GABRB3: variants seen among roughly 807,000 people sequenced by gnomAD.
The protein encoded by GABRB3 is gamma-aminobutyric acid type A receptor subunit beta3.
GABRB3 carries 14 observed loss-of-function variants against 52.1 expected under a neutral mutation model. The ratio of observed to expected loss-of-function variants is 0.27; its 90% CI spans 0.18 to 0.42. The LOEUF (loss-of-function observed/expected upper bound fraction) is 0.42. Ranked by LOEUF, GABRB3 falls within the 10% of genes least tolerant of loss-of-function variation. The pLI, the probability that GABRB3 is intolerant of heterozygous loss-of-function variation, is 1.00. For missense variants in GABRB3, 307 were observed against 609.1 expected, an observed-to-expected ratio of 0.50 and a Z score of 5.22; for synonymous variants, 260 against 232.3, an observed-to-expected ratio of 1.12 and a Z score of -1.08.
At position 26,567,990 on chromosome 15, in the gene GABRB3, C is replaced by T. The variant is rs7167688; in HGVS notation, c.683-257G>A. Among the ~76,000 whole-genome samples, 74,817 of 152,124 alleles carry T rather than the reference C, an allele frequency of 0.49. 18,744 individuals carry two copies. Among genetic ancestry groups the T allele is most frequent in the African/African-American group, 0.56 (23,115 of 41,502 alleles). The stretch of plus-strand genomic sequence containing the variant: ...ACGCTCGGTTGAGAACTTGGAAAAA[C>T]GTATTAGTTTTTAGCTTAGAATCCA... On this transcript the variant is annotated intron_variant, in intron 6 of 8. Coordinates refer to ENST00000311550, the MANE Select transcript of GABRB3 (RefSeq NM_000814.6).
In GABRB3 at chr15:26,637,581, G is replaced by A. The variant is rs183391467; in HGVS notation, c.241-16047C>T. Among the ~76,000 whole-genome samples, 5 of 152,252 alleles carry A rather than the reference G, an allele frequency of 3.3e-5. No individual in the cohort carries two copies. In the East Asian group the frequency reaches 9.7e-4, roughly 29 times the overall value. On this transcript the variant is annotated intron_variant, in intron 3 of 8. Transcript: ENST00000311550. The stretch of plus-strand genomic sequence containing the variant: ...AGTTCTGTATAACCTGGTTGTTGGT[G>A]TGTCCCTTCAGAAAAGATCTGTATG...
chr15:26,737,413 C>A (rs1366838211), intron 3 of GABRB3, among the ~76,000 whole-genome samples: 1 of 152,174 alleles, frequency 6.6e-6, no homozygotes, highest in Non-Finnish European at 1.5e-5. Context: ...ATGAATGTTG[C>A]AGGACAATGG....
intron 8 of GABRB3, chr15:26,553,548 T>C (rs908442911): frequency 1.1e-4 from 16 of 152,192 alleles, no homozygotes; most frequent in African/African-American, 3.6e-4. Context: ...CAGAAAGCAT[T>C]ATTTAGCTTT....
chr15:26,594,309 T>A (rs952362038), intron 4 of GABRB3, among the ~76,000 whole-genome samples: 7 of 152,160 alleles, frequency 4.6e-5, no homozygotes, highest in African/African-American at 1.7e-4. Flanking sequence ...CATTTCATCA[T>A]TATAATGCGG....
intron 3 of GABRB3, among the ~76,000 whole-genome samples, chr15:26,722,872 A>G (rs1951343789): frequency 6.6e-6 from 1 of 152,156 alleles, no homozygotes; most frequent in African/African-American, 2.4e-5. Flanking sequence ...GCCTCTGCTC[A>G]GCTGCAACTG....
chr15:26,773,234 C>A (rs1285649775), upstream of GABRB3, among the ~76,000 whole-genome samples: 2 of 149,948 alleles, frequency 1.3e-5, no homozygotes, highest in African/African-American at 4.9e-5. Flanking sequence ...CTCCCCCACG[C>A]TCGCCTCGGC....
chr15:26,690,827 C>A lies in GABRB3; in HGVS notation c.241-69293G>T, dbSNP rs1229597470. On this transcript the variant is annotated intron_variant, in intron 3 of 8. Transcript: ENST00000311550. ...GACAGGTTTTGCATAATTCCTTGCA[C>A]CAGAGATCAAAATTCTTGCTCTGTT... 3.3e-5 allele frequency among the ~76,000 whole-genome samples: 5 copies of A among 150,716 alleles called. 1 individual carries two copies. The highest frequency in any genetic ancestry group is 7.3e-5 in the African/African-American group (3 of 41,186).
At position 26,654,685 on chromosome 15, in the gene GABRB3, C is replaced by G. The variant is rs141100998; in HGVS notation, c.241-33151G>C. ...CTGACTTAAGAGAAGCATGTGAGAC[C>G]AGGAATTCAAGGCTGCAGTGACCTG... On this transcript the variant is annotated intron_variant, in intron 3 of 8. Coordinates refer to ENST00000311550, the MANE Select transcript of GABRB3 (RefSeq NM_000814.6). Among the ~76,000 whole-genome samples, 18 of 152,118 alleles carry G rather than the reference C, an allele frequency of 1.2e-4. No homozygotes were observed. In the South Asian group the frequency reaches 1.2e-3, roughly 10 times the overall value.
intron 6 of GABRB3, among the ~76,000 whole-genome samples, chr15:26,569,773 C>T (rs1890324729): frequency 6.6e-6 from 1 of 152,164 alleles, no homozygotes; most frequent in South Asian, 2.1e-4. Context: ...GCCTAGCACA[C>T]CTTGCAAATA....
At chr15:26,701,678 A>T (rs1888941198) in intron 3 of GABRB3, among the ~76,000 whole-genome samples, 2 of 152,246 alleles carry the variant, frequency 1.3e-5, no homozygotes, top group South Asian at 4.1e-4. Context: ...CTGTGTATTC[A>T]AATCAATTTT....
At chr15:26,763,612 A>ACACACACACACACG (rs1890882513) in intron 3 of GABRB3, among the ~76,000 whole-genome samples, 1 of 149,556 alleles carries the variant, frequency 6.7e-6, no homozygotes. Context: ...ATAGATACAC[A>ACACACACACACACG]CACACACACA....
At chr15:26,691,642 G>T (rs1300570488) in intron 3 of GABRB3, among the ~76,000 whole-genome samples, 1 of 152,166 alleles carries the variant, frequency 6.6e-6, no homozygotes, top group African/African-American at 2.4e-5. Flanking sequence ...CATGAAAAAG[G>T]AATTACAAGA....
chr15:26,688,582 C>G (rs1325901501), intron 3 of GABRB3, among the ~76,000 whole-genome samples: 2 of 152,114 alleles, frequency 1.3e-5, no homozygotes, highest in Non-Finnish European at 2.9e-5. Flanking sequence ...GGTGTGTCAC[C>G]GATGCTATTT....
intron 3 of GABRB3, among the ~76,000 whole-genome samples, chr15:26,735,421 C>A (rs1890039328): frequency 6.6e-6 from 1 of 152,106 alleles, no homozygotes; most frequent in African/African-American, 2.4e-5. Flanking sequence ...CTGGGAATCC[C>A]ACCCAAAAGA....
At chr15:26,655,417 T>C (rs780940590) in intron 3 of GABRB3, among the ~76,000 whole-genome samples, 5 of 152,152 alleles carry the variant, frequency 3.3e-5, no homozygotes, top group Non-Finnish European at 7.3e-5. Flanking sequence ...TGGGGGTGAA[T>C]GCACATTTTA....
chr15:26,659,503 CAGAG>C (rs1410970901), intron 3 of GABRB3, among the ~76,000 whole-genome samples: 1 of 152,078 alleles, frequency 6.6e-6, no homozygotes, highest in Non-Finnish European at 1.5e-5. Flanking sequence ...GCCTAGGCGA[CAGAG>C]AGAGACTCTG....
intron 3 of GABRB3, among the ~76,000 whole-genome samples, chr15:26,687,776 T>C (rs868299227): frequency 1.3e-5 from 2 of 152,234 alleles, no homozygotes. Flanking sequence ...TAATTACACC[T>C]GCTGACTGAA....
chr15:26,756,644 TA>T (rs979209468), intron 3 of GABRB3, among the ~76,000 whole-genome samples: 6 of 151,996 alleles, frequency 3.9e-5, no homozygotes, highest in African/African-American at 1.2e-4. Context: ...GACACAATGT[TA>T]AAAAAATATA....
chr15:26,616,823 C>A (rs1266451869), intron 4 of GABRB3, among the ~76,000 whole-genome samples: 1 of 152,064 alleles, frequency 6.6e-6, no homozygotes, highest in Non-Finnish European at 1.5e-5. Context: ...TACCTAAAAT[C>A]CAACATTTTC....
Sources: gnomAD v4.1 joint callset for allele counts (sites outside exome capture counted in the v4.1 genomes callset) on GRCh38, gnomAD v4.1.1 for gene constraint, MANE v1.5 for transcripts, NCBI Gene and HGNC (gene_info 2026-07-23, HGNC 2026-07-21) for gene names.